The following CSMD1 variants were observed in gnomAD, a reference collection of about 807,000 sequenced individuals.
CSMD1 encodes CUB and sushi domain-containing protein 1.
Under a neutral mutation model 417.5 loss-of-function variants are expected in CSMD1, and 213 were observed. The ratio of observed to expected loss-of-function variants is 0.51; its 90% CI spans 0.46 to 0.57. The LOEUF (loss-of-function observed/expected upper bound fraction) is 0.57. Among genes scored for constraint, CSMD1 ranks in the 20% least tolerant of loss-of-function variants. CSMD1 has a pLI of 0.00. For missense variants in CSMD1, 6,923 were observed against 4,529.7 expected (o/e 1.53, Z -15.17); for synonymous variants, 2,862 against 1,736.8 (o/e 1.65, Z -16.11).
At chr8:3,744,948 T>C (rs900513080) in intron 6 of CSMD1, among the ~76,000 whole-genome samples, 1 of 152,190 alleles carries the variant, frequency 6.6e-6, no homozygotes, top group Non-Finnish European at 1.5e-5. Context: ...AGGGCTTTAA[T>C]GAGGACAGGG....
At chr8:4,922,035 C>T (rs531161931) in intron 1 of CSMD1, among the ~76,000 whole-genome samples, 2 of 152,266 alleles carry the variant, frequency 1.3e-5, no homozygotes, top group South Asian at 2.1e-4. Context: ...AAGAATCCCC[C>T]AGCATGGATA....
chr8:3,311,548 A>G (rs1388583995), intron 23 of CSMD1, among the ~76,000 whole-genome samples: 6 of 152,322 alleles, frequency 3.9e-5, no homozygotes, highest in African/African-American at 1.4e-4. Flanking sequence ...AATCAGCTAG[A>G]GAGTCAACAC....
At chr8:4,312,692 C>A (rs1798697426) in intron 3 of CSMD1, among the ~76,000 whole-genome samples, 1 of 151,770 alleles carries the variant, frequency 6.6e-6, no homozygotes, top group Non-Finnish European at 1.5e-5. Context: ...GCCTGGCCAA[C>A]CTGACGAAAC....
At chr8:3,645,410 G>C (rs1001030580) in intron 7 of CSMD1, among the ~76,000 whole-genome samples, 2 of 152,202 alleles carry the variant, frequency 1.3e-5, no homozygotes, top group East Asian at 3.9e-4. Context: ...CGGGTGTCTG[G>C]GTACCTTCTG....
chr8:4,651,177 T>C (rs1406981442), intron 1 of CSMD1, among the ~76,000 whole-genome samples: 3 of 152,192 alleles, frequency 2.0e-5, no homozygotes, highest in Non-Finnish European at 4.4e-5. Context: ...CAAATTATTG[T>C]ACCAAATTCC....
At chr8:4,255,399 C>G (rs114134095) in intron 3 of CSMD1, among the ~76,000 whole-genome samples, 1 of 152,086 alleles carries the variant, frequency 6.6e-6, no homozygotes, top group Non-Finnish European at 1.5e-5. Context: ...TTAAAGAGGA[C>G]GCAATATGCA....
intron 18 of CSMD1, among the ~76,000 whole-genome samples, chr8:3,374,006 G>A (rs752353261): frequency 2.2e-4 from 33 of 148,674 alleles, no homozygotes; most frequent in Non-Finnish European, 4.0e-4. Context: ...AGGCTGGAGT[G>A]CAGTGGTGAG....
At chr8:4,442,549 T>C (rs959756064) in intron 2 of CSMD1, among the ~76,000 whole-genome samples, 3 of 152,192 alleles carry the variant, frequency 2.0e-5, no homozygotes, top group African/African-American at 7.2e-5. Context: ...TCAAACCATA[T>C]GCAACTAAAG....
At chr8:4,453,923 A>G (rs572215124) in intron 2 of CSMD1, among the ~76,000 whole-genome samples, 207 of 141,908 alleles carry the variant, frequency 1.5e-3, no homozygotes, top group African/African-American at 4.7e-3. Flanking sequence ...CCAGGTTCAC[A>G]GCATTCTCCT....
chr8:4,761,845 A>G (rs1812093321), intron 1 of CSMD1, among the ~76,000 whole-genome samples: 1 of 58,202 alleles, frequency 1.7e-5, no homozygotes, highest in Non-Finnish European at 3.6e-5. Flanking sequence ...GCATCTATCT[A>G]TCTATCTATC....
chr8:4,043,336 A>T (rs1384950464), intron 3 of CSMD1, among the ~76,000 whole-genome samples: 1 of 152,176 alleles, frequency 6.6e-6, no homozygotes, highest in Admixed American at 6.5e-5. Context: ...AAGAAAATGA[A>T]TGAGAAATAC....
At chr8:4,958,677 G>C (rs1019936287) in intron 1 of CSMD1, among the ~76,000 whole-genome samples, 5 of 152,140 alleles carry the variant, frequency 3.3e-5, no homozygotes, top group African/African-American at 4.8e-5. Context: ...TTACCATGGA[G>C]TTTTTAAGAA....
At chr8:3,635,223 C>T (rs1796974440) in intron 7 of CSMD1, among the ~76,000 whole-genome samples, 1 of 152,048 alleles carries the variant, frequency 6.6e-6, no homozygotes, top group South Asian at 2.1e-4. Context: ...CGCCTGTAAT[C>T]CCAGCACTTT....
chr8:3,861,582 T>C (rs1804713165), intron 5 of CSMD1, among the ~76,000 whole-genome samples: 1 of 152,152 alleles, frequency 6.6e-6, no homozygotes, highest in South Asian at 2.1e-4. Context: ...GCTCCTATGG[T>C]ATGTGGGTTT....
chr8:4,423,278 T>A (rs1406341324), intron 2 of CSMD1, among the ~76,000 whole-genome samples: 2 of 152,052 alleles, frequency 1.3e-5, no homozygotes, highest in Non-Finnish European at 2.9e-5. Flanking sequence ...TTACTACTAT[T>A]TGAAGTTGGC....
At position 4,441,497 on chromosome 8, in the gene CSMD1, G is replaced by A. The variant is rs575323197; in HGVS notation, c.303-21432C>T. On this transcript the variant is annotated intron_variant, in intron 2 of 69. Transcript: ENST00000635120. Reference sequence around the variant, plus strand: ...GGAGTTAGACATAAGGTATTTTACAGAGAGAGAATGCATTATAAATAACTT... The same window carrying A: ...GGAGTTAGACATAAGGTATTTTACAAAGAGAGAATGCATTATAAATAACTT... 9.9e-5 allele frequency among the ~76,000 whole-genome samples: 15 copies of A among 152,104 alleles called. 1 individual carries two copies. The highest frequency in any genetic ancestry group is 2.9e-4 in the African/African-American group (12 of 41,484).
At chr8:3,073,049 C>T (rs998998456) in intron 49 of CSMD1, among the ~76,000 whole-genome samples, 18 of 152,150 alleles carry the variant, frequency 1.2e-4, no homozygotes, top group African/African-American at 3.9e-4. Flanking sequence ...ATGCAACCCT[C>T]CCAAATTCCC....
At chr8:4,344,559 T>G (rs183001737) in intron 3 of CSMD1, among the ~76,000 whole-genome samples, 23 of 150,700 alleles carry the variant, frequency 1.5e-4, no homozygotes, top group Admixed American at 4.6e-4. Flanking sequence ...AGAATATAAA[T>G]ATATACATAT....
chr8:4,763,601 C>G (rs779504023), intron 1 of CSMD1, among the ~76,000 whole-genome samples: 5 of 152,106 alleles, frequency 3.3e-5, no homozygotes, highest in Non-Finnish European at 5.9e-5. Context: ...TGACTTATGC[C>G]TCCACTCTTT....
Sources: allele counts gnomAD v4.1 joint callset (sites outside exome capture counted in the v4.1 genomes callset), GRCh38; gene constraint gnomAD v4.1.1; transcripts MANE v1.5; gene names NCBI Gene and HGNC (gene_info 2026-07-23, HGNC 2026-07-21).